Variants in PYCR3 observed in about 807,000 individuals in gnomAD.
The protein encoded by PYCR3 is P5C reductase 3.
A neutral mutation model predicts 23.4 loss-of-function variants in PYCR3; 26 were observed. The observed-to-expected ratio is 1.11, with a 90% confidence interval of 0.81 to 1.54. The LOEUF is 1.54. PYCR3 is among the 40% of genes most tolerant of loss of function. The pLI is 0.00. For missense variants in PYCR3, 360 were observed against 376.3 expected (o/e 0.96, Z 0.36); for synonymous variants, 194 against 162.6 (o/e 1.19, Z -1.47).
chr8:143,609,562 A>T lies in PYCR3; in HGVS notation c.-14T>A, dbSNP rs757971555. ...CGCAGCTGCCATCTTGTTGCCTCGG[A>T]CGCCGCTGCGCTCACCGCCCATCCA... On this transcript the variant is annotated 5_prime_UTR_variant, in exon 1 of 6. Coordinates refer to ENST00000495276, the MANE Select transcript of PYCR3 (RefSeq NM_023078.6). The T allele has an allele frequency of 4.7e-6, 7 of 1,495,556 alleles. No homozygotes were observed. Among genetic ancestry groups the T allele is most frequent in the African/African-American group, 1.5e-5 (1 of 68,568 alleles). 92.6% of individuals were successfully genotyped at this position (1,495,556 alleles called of 1,614,324 possible).
chr8:143,606,660 C>G lies in PYCR3; in HGVS notation c.356G>C (p.Arg119Pro), dbSNP rs145277771. The G allele has an allele frequency of 6.3e-7, 1 of 1,598,984 alleles. No homozygotes were observed. The highest frequency in any genetic ancestry group is 1.3e-5 in the African/African-American group (1 of 74,762). Residue 119 changes from arginine to proline, a missense_variant, in exon 4 of 6, where the codon CGG (arginine) becomes CCG (proline). Coordinates refer to ENST00000495276, the MANE Select transcript of PYCR3 (RefSeq NM_023078.6). ...TLEELLPPNT[R>P]VLRVLPNLPC... Reference sequence around the variant, plus strand: ...CAGGTTGGGCAAGACCCGCAGCACCCGTGTGTTTGGGGGCAGCAGCTGGCC... The same window carrying G: ...CAGGTTGGGCAAGACCCGCAGCACCGGTGTGTTTGGGGGCAGCAGCTGGCC...
At position 143,607,155 on chromosome 8, in the gene PYCR3, A is replaced by G. The variant is rs370915238; in HGVS notation, c.157-23T>C. 7.9e-6 allele frequency: 12 copies of G among 1,526,280 alleles called. No homozygotes were observed. In the African/African-American group the frequency reaches 1.7e-4, roughly 21 times the overall value. 94.5% of individuals were successfully genotyped at this position (1,526,280 alleles called of 1,614,324 possible). ...AGCCTGCGCCAGGGACACCAGGACC[A>G]AGCCTCAGGGGCCATGTAAGCGGCG... On this transcript the variant is annotated intron_variant, in intron 2 of 5. Transcript: ENST00000495276.
In PYCR3 at chr8:143,604,565, C is replaced by G. The variant is rs1369820913; in HGVS notation, c.*1135G>C. On this transcript the variant is annotated 3_prime_UTR_variant, in exon 6 of 6. Transcript: ENST00000495276. The stretch of plus-strand genomic sequence containing the variant: ...CGCCCAGCCTCGCTGAGGGCATGCT[C>G]CCGCCTCACCTCCAGAGGCTGTTGG... 6.6e-6 allele frequency: 2 copies of G among 304,682 alleles called. No homozygotes were observed. Among genetic ancestry groups the G allele is most frequent in the African/African-American group, 4.5e-5 (2 of 44,438 alleles). The allele number at this position is 304,682 out of a possible 1,614,324, so 18.9% of individuals were successfully genotyped here.
rs371477783 is a variant in PYCR3, at chr8:143,605,833, C to T, written c.692G>A (p.Arg231His). ...LHEGQHPAQL[R>H]SDVCTPGGTT... ...GCCACCCGGGGTGCACACGTCTGAGCGCAGCTGGGCTGGGTGTTGGCCCTC... is the reference window on the plus strand; with the variant it reads ...GCCACCCGGGGTGCACACGTCTGAGTGCAGCTGGGCTGGGTGTTGGCCCTC... The change falls in exon 6 of 6, where the codon CGC becomes CAC. Residue 231 changes from arginine to histidine, a missense_variant. Transcript: ENST00000495276. 13 of 1,611,374 alleles carry T rather than the reference C, an allele frequency of 8.1e-6. No individual in the cohort carries two copies. In the African/African-American group the frequency reaches 1.2e-4, roughly 15 times the overall value.
At position 143,604,212 on chromosome 8, in the gene PYCR3, C is replaced by G. The variant is rs1563676460; in HGVS notation, c.*1488G>C. On this transcript the variant is annotated 3_prime_UTR_variant, in exon 6 of 6. Transcript: ENST00000495276. ...CAGCCCAGAACTTGGTTTTATCCAC[C>G]TCTGGTGAAACATGAGCTCACTTGG... 1 of 152,186 alleles carries G rather than the reference C, an allele frequency of 6.6e-6. No homozygotes were observed. Among genetic ancestry groups the G allele is most frequent in the Non-Finnish European group, 1.5e-5 (1 of 68,072 alleles). 9.4% of individuals were successfully genotyped at this position (152,186 alleles called of 1,614,324 possible). A position where few individuals can be genotyped will look rare whatever the true frequency, so the allele number is the denominator to read the frequency against.
intron 1 of PYCR3, among the ~76,000 whole-genome samples, chr8:143,608,609 C>T (rs1385106108): frequency 1.3e-5 from 2 of 152,134 alleles, no homozygotes; most frequent in Non-Finnish European, 1.5e-5. Flanking sequence ...CTGCTTTTGT[C>T]GGGTACGGGG....
At chr8:143,609,163 C>G (rs1356525251) in intron 1 of PYCR3, among the ~76,000 whole-genome samples, 1 of 152,242 alleles carries the variant, frequency 6.6e-6, no homozygotes, top group Admixed American at 6.5e-5. Flanking sequence ...CCCTGCTGCT[C>G]CCCATGAGAG....
At chr8:143,606,321 C>T (rs1003296117) in intron 4 of PYCR3, 146 bp downstream of exon 4, 10 of 1,085,302 alleles carry the variant, frequency 9.2e-6, no homozygotes, top group East Asian at 2.5e-5. Context: ...AGTGAAGTCC[C>T]GGGGACAAGC....
At chr8:143,606,204 G>C in intron 4 of PYCR3, 50 bp from the exon 5 acceptor site, 2 of 1,521,764 alleles carry the variant, frequency 1.3e-6, no homozygotes, top group African/African-American at 1.4e-5. Flanking sequence ...AAGCCTGGGG[G>C]CTCAGGACCT....
chr8:143,606,105 A>G lies in PYCR3; in HGVS notation c.599T>C (p.Met200Thr), dbSNP rs1463027367. ...GATGCGGTGGGCCAGGCTGCTGGGC[A>G]TGCCCATCTTGACGGCTCCTTCAGC... Reference protein sequence around the residue: ...ALAEGAVKMGMPSSLAHRIAA... With the variant: ...ALAEGAVKMGTPSSLAHRIAA... The change falls in exon 5 of 6, where the codon ATG becomes ACG. Residue 200 changes from methionine to threonine, a missense_variant. By Grantham distance (81) the Met-to-Thr change is moderately conservative (BLOSUM62 -1). Transcript: ENST00000495276. 1 of 1,611,098 alleles carries G rather than the reference A, an allele frequency of 6.2e-7. No homozygotes were observed. The highest frequency in any genetic ancestry group is 1.7e-5 in the Admixed American group (1 of 59,796).
Position 143,605,298 on chromosome 8 carries a change from G to A in PYCR3, c.*402C>T. On this transcript the variant is annotated 3_prime_UTR_variant, in exon 6 of 6. Coordinates refer to ENST00000495276, the MANE Select transcript of PYCR3 (RefSeq NM_023078.6). The stretch of plus-strand genomic sequence containing the variant: ...GCACGGAGCCACCTGGAAAGCCAAA[G>A]GCAAGCTCCAGCTCCAGACCAGGCA... The A allele has an allele frequency of 3.4e-6, 1 of 297,326 alleles. No individual in the cohort carries two copies. Among genetic ancestry groups the A allele is most frequent in the Non-Finnish European group, 6.5e-6 (1 of 154,100 alleles). The allele number at this position is 297,326 out of a possible 1,614,324, so 18.4% of individuals were successfully genotyped here.
chr8:143,606,852 C>T, intron 3 of PYCR3, 101 bp downstream of exon 3: 1 of 1,410,364 alleles, frequency 7.1e-7, no homozygotes, highest in Non-Finnish European at 9.7e-7. Context: ...CCAGGTGGGC[C>T]ACACGGCCAC....
Position 143,605,737 on chromosome 8 carries a change from G to A in PYCR3, c.788C>T (p.Ala263Val). ...LRAATMSAVEAATCRAKELSR... is the reference protein window; with the variant it reads ...LRAATMSAVEVATCRAKELSR... ...GAGCTCCTTGGCCCGGCAGGTGGCA[G>A]CCTCCACGGCGCTCATGGTGGCTGC... The change falls in exon 6 of 6, where the codon GCT becomes GTT. Residue 263 changes from alanine (A) to valine (V), a missense_variant. Ala to Val is a moderately conservative substitution (Grantham distance 64). Transcript: ENST00000495276. 1 of 1,605,812 alleles carries A rather than the reference G, an allele frequency of 6.2e-7. No homozygotes were observed. The highest frequency in any genetic ancestry group is 8.5e-7 in the Non-Finnish European group (1 of 1,174,852).
intron 1 of PYCR3, 42 bp downstream of exon 1, chr8:143,609,416 G>A: frequency 2.1e-6 from 3 of 1,459,094 alleles, no homozygotes; most frequent in Non-Finnish European, 2.7e-6. Flanking sequence ...CCACGGGGCT[G>A]CTCCCACTCC....
rs1829367993 is a variant in PYCR3, at chr8:143,605,521, G to T, written c.*179C>A. On this transcript the variant is annotated 3_prime_UTR_variant, in exon 6 of 6. Coordinates refer to ENST00000495276, the MANE Select transcript of PYCR3 (RefSeq NM_023078.6). ...CTGGGGAGGGAGGAGTGTCCCCACT[G>T]GTCGGGGCTCCCCCGCCTGCTGGAA... 1.6e-6 allele frequency: 1 copy of T among 615,670 alleles called. No homozygotes were observed. Among genetic ancestry groups the T allele is most frequent in the Non-Finnish European group, 2.8e-6 (1 of 356,274 alleles). The allele number at this position is 615,670 out of a possible 1,614,324, so 38.1% of individuals were successfully genotyped here. A position where few individuals can be genotyped will look rare whatever the true frequency, so the allele number is the denominator to read the frequency against.
At chr8:143,607,418 G>A (rs7818082) in intron 2 of PYCR3, among the ~76,000 whole-genome samples, 29,519 of 152,014 alleles carry the variant, frequency 0.19, 3,084 homozygotes, top group East Asian at 0.36. Context: ...GCACATGCAC[G>A]CACTCACGAG....
chr8:143,604,878 A>G lies in PYCR3; in HGVS notation c.*822T>C, dbSNP rs778318497. On this transcript the variant is annotated 3_prime_UTR_variant, in exon 6 of 6. Transcript: ENST00000495276. ...AGGACCCCTGACCTAGGCACGGGGC[A>G]GGAGGGCCCAGAGCCACCTGGCCAC... 3 of 499,014 alleles carry G rather than the reference A, an allele frequency of 6.0e-6. No individual in the cohort carries two copies. The highest frequency in any genetic ancestry group is 5.7e-5 in the East Asian group (1 of 17,458). 30.9% of individuals were successfully genotyped at this position (499,014 alleles called of 1,614,324 possible).
chr8:143,606,764 A>G (rs1829414071), intron 3 of PYCR3, 85 bp from the exon 4 acceptor site: 1 of 1,419,292 alleles, frequency 7.0e-7, no homozygotes, highest in African/African-American at 1.4e-5. Flanking sequence ...GGAAAGGTCC[A>G]CGTCAGCTCG....
chr8:143,605,839 T>C lies in PYCR3; in HGVS notation c.686A>G (p.Gln229Arg), dbSNP rs1829380763. The change falls in exon 6 of 6, where the codon CAG becomes CGG. Residue 229 changes from glutamine (Q) to arginine (R), a missense_variant. Physicochemically the swap from Gln to Arg is conservative, Grantham distance 43. Coordinates refer to ENST00000495276, the MANE Select transcript of PYCR3 (RefSeq NM_023078.6). ...CGGGGTGCACACGTCTGAGCGCAGC[T>C]GGGCTGGGTGTTGGCCCTCGTGCAG... ...MLLHEGQHPA[Q>R]LRSDVCTPGG... The C allele has an allele frequency of 4.3e-6, 7 of 1,611,260 alleles. No individual in the cohort carries two copies. The highest frequency in any genetic ancestry group is 5.9e-6 in the Non-Finnish European group (7 of 1,179,088).
Sources: gnomAD v4.1 joint callset for allele counts (sites outside exome capture counted in the v4.1 genomes callset) on GRCh38, gnomAD v4.1.1 for gene constraint, MANE v1.5 for transcripts, NCBI Gene and HGNC (gene_info 2026-07-23, HGNC 2026-07-21) for gene names.